RHOQ: variants seen among roughly 807,000 people sequenced by gnomAD.
RHOQ encodes rho-related GTP-binding protein RhoQ.
Under a neutral mutation model 25.8 loss-of-function variants are expected in RHOQ, and 7 were observed. That is an observed-to-expected ratio of 0.27 (90% confidence interval 0.15 to 0.51). The LOEUF is 0.51. RHOQ is among the 20% of genes least tolerant of loss of function. The probability of loss-of-function intolerance (pLI) is 0.97; values close to 1 mark genes in which losing one functional copy is unlikely to be tolerated. For synonymous variants in RHOQ, 97 were observed against 98.6 expected, an observed-to-expected ratio of 0.98 and a Z score of 0.10; for missense variants, 165 against 260.6, an observed-to-expected ratio of 0.63 and a Z score of 2.53.
At chr2:46,564,390 G>A (rs1183785897) in intron 2 of RHOQ, among the ~76,000 whole-genome samples, 1 of 152,150 alleles carries the variant, frequency 6.6e-6, no homozygotes, top group Non-Finnish European at 1.5e-5. Context: ...CACCAGCTCT[G>A]CCAGTTCCAA....
chr2:46,574,527 T>C (rs1669044492), intron 2 of RHOQ, among the ~76,000 whole-genome samples: 1 of 152,172 alleles, frequency 6.6e-6, no homozygotes, highest in African/African-American at 2.4e-5. Context: ...GATCTCTTCA[T>C]TGTGAATTTC....
In RHOQ at chr2:46,552,891, A is replaced by G. The variant is rs544910069; in HGVS notation, c.201+9079A>G. On this transcript the variant is annotated intron_variant, in intron 2 of 4. Transcript: ENST00000238738. The surrounding 1 kb of genome is among the most constrained non-coding windows in gnomAD (Gnocchi z 5.0). ...AAGGCTTATCCTTCCAAGGAGGTGA[A>G]ATGCTAGTAAGAGTTAAGTTGAGTA... Among the ~76,000 whole-genome samples the G allele has an allele frequency of 4.5e-4, 69 of 152,330 alleles. No individual in the cohort carries two copies. Among genetic ancestry groups the G allele is most frequent in the African/African-American group, 1.5e-3 (62 of 41,566 alleles).
intron 2 of RHOQ, among the ~76,000 whole-genome samples, chr2:46,549,845 C>T (rs1668186303): frequency 6.6e-6 from 1 of 152,200 alleles, no homozygotes; most frequent in African/African-American, 2.4e-5. Context: ...TTCTTGCTCT[C>T]TTCAAGAACA....
At chr2:46,571,653 G>A (rs1668919095) in intron 2 of RHOQ, among the ~76,000 whole-genome samples, 1 of 152,078 alleles carries the variant, frequency 6.6e-6, no homozygotes, top group East Asian at 1.9e-4. Context: ...GTATATGACT[G>A]TCTTTTTATA....
At position 46,555,824 on chromosome 2, in the gene RHOQ, G is replaced by T. The variant is rs1463059409; in HGVS notation, c.201+12012G>T. Among the ~76,000 whole-genome samples the T allele has an allele frequency of 6.6e-6, 1 of 152,194 alleles. No individual in the cohort carries two copies. The highest frequency in any genetic ancestry group is 1.9e-4 in the East Asian group (1 of 5,198). Reference sequence around the variant, plus strand: ...GGTGAGGATGCTGACCTGCTCACTTGTGTCTTGACTGGGAGACCGGAATGC... The same window carrying T: ...GGTGAGGATGCTGACCTGCTCACTTTTGTCTTGACTGGGAGACCGGAATGC... On this transcript the variant is annotated intron_variant, in intron 2 of 4. Transcript: ENST00000238738. The surrounding 1 kb of genome is among the most constrained non-coding windows in gnomAD (Gnocchi z 4.3).
rs1667885426 is a variant in RHOQ, at chr2:46,543,121, A to C, written c.75A>C (p.Leu25=). 1 of 1,610,434 alleles carries C rather than the reference A, an allele frequency of 6.2e-7. No homozygotes were observed. The change falls in exon 1 of 5, where the codon CTA becomes CTC. Residue 25 remains leucine (L), a synonymous_variant. Transcript: ENST00000238738. ...VGDGAVGKTC[L]LMSYANDAFP... is the part of the protein sequence containing the mutation. ...ACGGGGCGGTGGGCAAGACGTGCCT[A>C]CTCATGAGCTATGCCAACGACGCCT...
At position 46,557,031 on chromosome 2, in the gene RHOQ, T is replaced by C. The variant is rs957725103; in HGVS notation, c.201+13219T>C. ...TAGCTCACAAGAGAAGAAAAACAAA[T>C]AGCCAATGAAAACACACTCTGTAAA... On this transcript the variant is annotated intron_variant, in intron 2 of 4. Coordinates refer to ENST00000238738, the MANE Select transcript of RHOQ (RefSeq NM_012249.4). 2.6e-5 allele frequency among the ~76,000 whole-genome samples: 4 copies of C among 152,036 alleles called. No individual in the cohort carries two copies. In the East Asian group the frequency reaches 7.7e-4, roughly 29 times the overall value.
At chr2:46,546,502 A>ATG (rs1558680573) in intron 2 of RHOQ, among the ~76,000 whole-genome samples, 3 of 21,486 alleles carry the variant, frequency 1.4e-4, no homozygotes, top group Admixed American at 6.1e-4. Flanking sequence ...ATATATATAT[A>ATG]TATATATATG....
intron 2 of RHOQ, among the ~76,000 whole-genome samples, chr2:46,550,845 A>G (rs566937515): frequency 2.9e-4 from 44 of 152,278 alleles, no homozygotes; most frequent in African/African-American, 8.4e-4. Flanking sequence ...TGTTGATTCA[A>G]TGCCTGGTGT....
At chr2:46,549,544 G>A (rs1051708045) in intron 2 of RHOQ, among the ~76,000 whole-genome samples, 6 of 152,176 alleles carry the variant, frequency 3.9e-5, no homozygotes, top group East Asian at 3.8e-4. Context: ...GGAGAGGGAC[G>A]CAGTTACAAA....
chr2:46,570,818 G>A (rs1327587439), intron 2 of RHOQ, among the ~76,000 whole-genome samples: 1 of 152,208 alleles, frequency 6.6e-6, no homozygotes, highest in East Asian at 1.9e-4. Flanking sequence ...TTAGATTTGG[G>A]AAGGCTGGGG....
Position 46,542,989 on chromosome 2 carries a change from C to G in RHOQ, c.-58C>G, listed in dbSNP as rs1487030660. On this transcript the variant is annotated 5_prime_UTR_variant, in exon 1 of 5. Transcript: ENST00000238738. ...ACCCCCCAGGCGGGCTGGGGCTGAG[C>G]CCGGGGCCGGGGCGGGGGCTCCGGG... The G allele has an allele frequency of 7.4e-7, 1 of 1,357,136 alleles. No homozygotes were observed. The highest frequency in any genetic ancestry group is 3.3e-5 in the Admixed American group (1 of 30,640). The allele number at this position is 1,357,136 out of a possible 1,614,324, so 84.1% of individuals were successfully genotyped here. A position where few individuals can be genotyped will look rare whatever the true frequency, so the allele number is the denominator to read the frequency against.
intron 2 of RHOQ, among the ~76,000 whole-genome samples, chr2:46,573,143 A>C (rs1036253544): frequency 1.3e-5 from 2 of 151,048 alleles, no homozygotes; most frequent in Non-Finnish European, 2.9e-5. Context: ...TGCTCACTGC[A>C]GCCTCCACCT....
At position 46,563,614 on chromosome 2, in the gene RHOQ, A is replaced by T. The variant is rs73926507; in HGVS notation, c.202-12473A>T. Reference sequence around the variant, plus strand: ...AGCTGTGCTCAGTGGTGATGGATGCATATTGTGAAGAATTGATGTCAACAC... The same window carrying T: ...AGCTGTGCTCAGTGGTGATGGATGCTTATTGTGAAGAATTGATGTCAACAC... On this transcript the variant is annotated intron_variant, in intron 2 of 4. Transcript: ENST00000238738. Among the ~76,000 whole-genome samples the T allele has an allele frequency of 3.7e-3, 560 of 152,276 alleles. 3 individuals are homozygous for T. Among genetic ancestry groups the T allele is most frequent in the African/African-American group, 0.013 (531 of 41,548 alleles).
intron 2 of RHOQ, among the ~76,000 whole-genome samples, chr2:46,557,059 C>A (rs1668431247): frequency 6.6e-6 from 1 of 152,134 alleles, no homozygotes; most frequent in Non-Finnish European, 1.5e-5. Context: ...TCTGTAAAGA[C>A]ATGTGAATAA....
At chr2:46,543,391 C>G in intron 1 of RHOQ, 1 of 616,242 alleles carries the variant, frequency 1.6e-6, no homozygotes, top group Non-Finnish European at 2.8e-6. Context: ...TCCCACCCGC[C>G]CCCTACGCGG....
intron 2 of RHOQ, among the ~76,000 whole-genome samples, chr2:46,546,468 ATATATGTG>A (rs1174584776): frequency 6.1e-4 from 4 of 6,586 alleles, no homozygotes; most frequent in South Asian, 5.0e-3. Context: ...ATATATATAT[ATATATGTG>A]TATATATATA....
intron 2 of RHOQ, among the ~76,000 whole-genome samples, chr2:46,546,255 G>A (rs930293517): frequency 2.6e-5 from 4 of 151,588 alleles, no homozygotes; most frequent in Non-Finnish European, 4.4e-5. Flanking sequence ...AGGGAGAAAT[G>A]TCTGTCTCGG....
At chr2:46,558,755 G>T (rs1323993290) in intron 2 of RHOQ, among the ~76,000 whole-genome samples, 1 of 152,140 alleles carries the variant, frequency 6.6e-6, no homozygotes, top group Non-Finnish European at 1.5e-5. Flanking sequence ...TTCAGATGCT[G>T]GAGTTGCTGG....
Sources: gnomAD v4.1 joint callset for allele counts (sites outside exome capture counted in the v4.1 genomes callset) on GRCh38, gnomAD v4.1.1 for gene constraint, Gnocchi (gnomAD v3.1) non-coding constraint, MANE v1.5 for transcripts, NCBI Gene and HGNC (gene_info 2026-07-23, HGNC 2026-07-21) for gene names.